Variants in LAYN observed in about 807,000 individuals in gnomAD.
LAYN encodes layilin.
A neutral mutation model predicts 43.6 loss-of-function variants in LAYN; 38 were observed. The ratio of observed to expected loss-of-function variants is 0.87; its 90% confidence interval spans 0.67 to 1.14. The LOEUF (loss-of-function observed/expected upper bound fraction) is 1.14. LAYN is among the 50% of genes most tolerant of loss of function. The probability of loss-of-function intolerance (pLI) is 0.00; values close to 1 mark genes in which losing one functional copy is unlikely to be tolerated. For synonymous variants in LAYN, 168 were observed against 172.9 expected, an observed-to-expected ratio of 0.97 and a Z score of 0.22; for missense variants, 479 against 463.8, an observed-to-expected ratio of 1.03 and a Z score of -0.30.
chr11:111,553,522 G>A (rs1273253747), intron 3 of LAYN, among the ~76,000 whole-genome samples: 1 of 151,860 alleles, frequency 6.6e-6, no homozygotes, highest in Non-Finnish European at 1.5e-5. Flanking sequence ...CGGAGGCTGA[G>A]GCAGGAGAAT....
intron 3 of LAYN, among the ~76,000 whole-genome samples, chr11:111,551,798 C>T (rs1382759260): frequency 6.6e-6 from 1 of 152,052 alleles, no homozygotes; most frequent in Non-Finnish European, 1.5e-5. Context: ...CTATAAATGG[C>T]ATTATTAGGA....
At chr11:111,544,905 G>C (rs563889104) in intron 2 of LAYN, among the ~76,000 whole-genome samples, 1 of 151,992 alleles carries the variant, frequency 6.6e-6, no homozygotes, top group East Asian at 1.9e-4. Context: ...AAAATATAAA[G>C]AGACAAAAGA....
chr11:111,557,670 C>A, intron 6 of LAYN, 27 bp downstream of exon 6: 1 of 1,530,232 alleles, frequency 6.5e-7, no homozygotes, highest in South Asian at 1.1e-5. Context: ...TTGTGTAAAC[C>A]TTTGCATCTT....
upstream of LAYN, chr11:111,540,371 C>T: frequency 5.7e-6 from 1 of 175,160 alleles, no homozygotes; most frequent in Non-Finnish European, 1.2e-5. Flanking sequence ...TCCAGGTGCA[C>T]CCGCACAGCT....
rs754476792 is a variant in LAYN, at chr11:111,544,198, G to A, written c.361G>A (p.Asp121Asn). The A allele has an allele frequency of 2.5e-6, 4 of 1,613,366 alleles. No homozygotes were observed. In the African/African-American group the frequency reaches 5.3e-5, roughly 22 times the overall value. The stretch of plus-strand genomic sequence containing the variant: ...CTGCCAGGACCTTTATGCTTGGACT[G>A]ATGGCAGCATATCACAATTTAGGTA... Reference protein sequence around the residue: ...TACQDLYAWTDGSISQFRNWY... With the variant: ...TACQDLYAWTNGSISQFRNWY... Residue 121 changes from aspartate (D) to asparagine (N), a missense_variant, in exon 2 of 7, where the codon GAT becomes AAT. Physicochemically the swap from Asp to Asn is conservative, Grantham distance 23. Coordinates refer to ENST00000375614, the MANE Select transcript of LAYN (RefSeq NM_178834.5).
At position 111,557,554 on chromosome 11, in the gene LAYN, T is replaced by A; in HGVS notation, c.672T>A (p.Asn224Lys). ...TFKESREAAL[N>K]LAYILIPSIP... ...CTTTCTTTTCAGAAGCTGCCTTGAA[T>A]CTGGCCTACATCCTAATCCCCAGCA... Residue 224 changes from asparagine to lysine, a missense_variant, in exon 6 of 7, where the codon AAT becomes AAA. By Grantham distance (94) the Asn-to-Lys change is moderately conservative. Transcript: ENST00000375614. 1.2e-6 allele frequency: 2 copies of A among 1,613,950 alleles called. No homozygotes were observed. The highest frequency in any genetic ancestry group is 1.7e-6 in the Non-Finnish European group (2 of 1,179,804).
rs149755521 is a variant in LAYN at position 111,543,938 on chromosome 11, G to A, written c.101G>A (p.Arg34Gln). 103 of 1,611,940 alleles carry A rather than the reference G, an allele frequency of 6.4e-5. 1 individual carries two copies. The highest frequency in any genetic ancestry group is 6.0e-4 in the African/African-American group (45 of 74,804). ...GRLLSGQPVC[R>Q]GGTQRPCYKV... ...TTTTCTCTAGGGCAGCCAGTCTGCCGGGGAGGGACACAGAGGCCTTGTTAT... is the reference window on the plus strand; with the variant it reads ...TTTTCTCTAGGGCAGCCAGTCTGCCAGGGAGGGACACAGAGGCCTTGTTAT... Residue 34 changes from arginine to glutamine, a missense_variant, in exon 2 of 7, where the codon CGG becomes CAG. Arg to Gln is a conservative substitution (Grantham distance 43). Coordinates refer to ENST00000375614, the MANE Select transcript of LAYN (RefSeq NM_178834.5).
chr11:111,549,101 G>T (rs1357653935), intron 2 of LAYN, among the ~76,000 whole-genome samples: 3 of 152,192 alleles, frequency 2.0e-5, no homozygotes, highest in African/African-American at 7.2e-5. Flanking sequence ...CCTTTCACCT[G>T]TTTTGACAGC....
At chr11:111,547,144 C>T (rs1365094346) in intron 2 of LAYN, among the ~76,000 whole-genome samples, 1 of 152,218 alleles carries the variant, frequency 6.6e-6, no homozygotes, top group Non-Finnish European at 1.5e-5. Flanking sequence ...AAGAGACCTA[C>T]CATGTGCTAT....
chr11:111,540,955 T>TGGTGCC (rs1169040006), intron 1 of LAYN, 27 bp downstream of exon 1: 1 of 1,498,036 alleles, frequency 6.7e-7, no homozygotes, highest in Admixed American at 2.0e-5. Flanking sequence ...GGGCGGGGGC[T>TGGTGCC]GGTGCCGGGG....
In LAYN at chr11:111,540,902, G is replaced by C; in HGVS notation, c.59G>C (p.Arg20Pro). 1 of 1,532,280 alleles carries C rather than the reference G, an allele frequency of 6.5e-7. No individual in the cohort carries two copies. Among genetic ancestry groups the C allele is most frequent in the African/African-American group, 1.4e-5 (1 of 72,988 alleles). 94.9% of individuals were successfully genotyped at this position (1,532,280 alleles called of 1,614,324 possible). Reference sequence around the variant, plus strand: ...CTGGCCGTGCTGCTGGTGGGGCTGCGGGCCGCGACGGGTCGCCTGCTGAGT... The same window carrying C: ...CTGGCCGTGCTGCTGGTGGGGCTGCCGGCCGCGACGGGTCGCCTGCTGAGT... Reference protein sequence around the residue: ...VLLAVLLVGLRAATGRLLSGQ... With the variant: ...VLLAVLLVGLPAATGRLLSGQ... Residue 20 changes from arginine to proline, a missense_variant, in exon 1 of 7, where the codon CGG becomes CCG. Coordinates refer to ENST00000375614, the MANE Select transcript of LAYN (RefSeq NM_178834.5).
chr11:111,552,302 A>G (rs989967157), intron 3 of LAYN, among the ~76,000 whole-genome samples: 2 of 152,200 alleles, frequency 1.3e-5, no homozygotes, highest in African/African-American at 4.8e-5. Context: ...CACCTCACCC[A>G]CACAGTACTT....
chr11:111,555,242 G>A lies in LAYN; in HGVS notation c.610G>A (p.Glu204Lys), dbSNP rs747747391. Residue 204 changes from glutamate to lysine, a missense_variant, in exon 5 of 7, where the codon GAA (glutamate) becomes AAA (lysine). Glu to Lys is a moderately conservative substitution (Grantham distance 56). Transcript: ENST00000375614. ...ETELTTPVLP[E>K]ETQEEDAKKT... ...AGAGCTGACAACACCTGTACTTCCA[G>A]AAGAAACACAGGAAGAAGATGCCAA... 5.0e-6 allele frequency: 8 copies of A among 1,613,820 alleles called. No homozygotes were observed. The African/African-American group carries it at 9.3e-5, about 19-fold the overall frequency.
rs1867946608 is a variant in LAYN at position 111,560,966 on chromosome 11, T to TGTTA, written c.*511_*514dup. The TGTTA allele has an allele frequency of 6.5e-6, 1 of 153,400 alleles. No individual in the cohort carries two copies. Among genetic ancestry groups the TGTTA allele is most frequent in the South Asian group, 2.1e-4 (1 of 4,854 alleles). 9.5% of individuals were successfully genotyped at this position (153,400 alleles called of 1,614,324 possible). ...ATCAAATAAAGAGCAGGAAACAGAGTGTTAGTCTGTGTCTACAGCCCTTCC... is the reference window on the plus strand; with the variant it reads ...ATCAAATAAAGAGCAGGAAACAGAGTGTTAGTTAGTCTGTGTCTACAGCCCTTCC... On this transcript the variant is annotated 3_prime_UTR_variant, in exon 7 of 7. Transcript: ENST00000375614.
intron 5 of LAYN, 34 bp from the exon 6 acceptor site, chr11:111,557,507 G>C: frequency 6.5e-7 from 1 of 1,545,158 alleles, no homozygotes; most frequent in Non-Finnish European, 8.9e-7. Context: ...ACAAAAAACA[G>C]CCAATGCTGA....
intron 3 of LAYN, among the ~76,000 whole-genome samples, chr11:111,553,846 C>T (rs769552180): frequency 6.6e-6 from 1 of 151,892 alleles, no homozygotes; most frequent in Admixed American, 6.6e-5. Flanking sequence ...TTTTTAAGGT[C>T]TTTCCCTTAA....
At chr11:111,547,957 C>T (rs1175648688) in intron 2 of LAYN, among the ~76,000 whole-genome samples, 1 of 152,070 alleles carries the variant, frequency 6.6e-6, no homozygotes, top group Non-Finnish European at 1.5e-5. Flanking sequence ...CTCAACCTGC[C>T]CATCATAGGC....
intron 6 of LAYN, among the ~76,000 whole-genome samples, chr11:111,559,089 T>A (rs1048022907): frequency 3.9e-4 from 60 of 152,214 alleles, no homozygotes; most frequent in African/African-American, 1.4e-3. Flanking sequence ...CCCGGCCCAG[T>A]ACAATATTTT....
In LAYN at chr11:111,557,588, C is replaced by G; in HGVS notation, c.706C>G (p.Leu236Val). ...AYILIPSIPLLLLLVVTTVVC... is the reference protein window; with the variant it reads ...AYILIPSIPLVLLLVVTTVVC... ...CATCCTAATCCCCAGCATTCCCCTT[C>G]TCCTCCTCCTTGTGGTCACCACAGT... The change falls in exon 6 of 7, where the codon CTC becomes GTC. Residue 236 changes from leucine (L) to valine (V), a missense_variant. Physicochemically the swap from Leu to Val is conservative, Grantham distance 32. Transcript: ENST00000375614. 6.2e-7 allele frequency: 1 copy of G among 1,614,102 alleles called. No homozygotes were observed. The highest frequency in any genetic ancestry group is 2.2e-5 in the East Asian group (1 of 44,886).
Sources: gnomAD v4.1 joint callset for allele counts (sites outside exome capture counted in the v4.1 genomes callset) on GRCh38, gnomAD v4.1.1 for gene constraint, MANE v1.5 for transcripts, NCBI Gene and HGNC (gene_info 2026-07-23, HGNC 2026-07-21) for gene names.